LHX4: variants seen among roughly 807,000 people sequenced by gnomAD.
The protein encoded by LHX4 is LIM/homeobox protein Lhx4.
A neutral mutation model predicts 39.2 loss-of-function variants in LHX4; 16 were observed. The ratio of observed to expected loss-of-function variants is 0.41; its 90% CI spans 0.28 to 0.62. LHX4 has a LOEUF of 0.62. LHX4 is among the 20% of genes least tolerant of loss of function. LHX4 has a pLI of 0.33. For synonymous variants in LHX4, 206 were observed against 198.1 expected (o/e 1.04, Z -0.33); for missense variants, 439 against 511.9 (o/e 0.86, Z 1.37).
At chr1:180,271,587 G>T in intron 4 of LHX4, 53 bp downstream of exon 4, 6 of 1,604,204 alleles carry the variant, frequency 3.7e-6, no homozygotes, top group Non-Finnish European at 5.1e-6. Context: ...CGGGACAGGG[G>T]TGGAAGGTAT....
chr1:180,271,056 T>C (rs1010818624), intron 3 of LHX4: 15 of 405,528 alleles, frequency 3.7e-5, no homozygotes, highest in South Asian at 6.3e-5. Context: ...AGCAGAGTGT[T>C]TGTCATGACA....
intron 2 of LHX4, among the ~76,000 whole-genome samples, chr1:180,253,996 T>C (rs1178043243): frequency 6.6e-6 from 1 of 152,144 alleles, no homozygotes. Context: ...CAAACCATTA[T>C]GGAGTGAAAA....
intron 2 of LHX4, among the ~76,000 whole-genome samples, chr1:180,259,929 C>T (rs554451494): frequency 1.3e-5 from 2 of 151,206 alleles, no homozygotes; most frequent in African/African-American, 4.9e-5. Context: ...CTGGTAACAA[C>T]AAGGTCTGGG....
intron 2 of LHX4, among the ~76,000 whole-genome samples, chr1:180,251,980 A>G (rs1647646156): frequency 6.6e-6 from 1 of 152,196 alleles, no homozygotes; most frequent in African/African-American, 2.4e-5. Context: ...GTGGATTCAT[A>G]GCCCTCACCA....
At chr1:180,244,233 C>G (rs1443525492) in intron 1 of LHX4, among the ~76,000 whole-genome samples, 1 of 152,180 alleles carries the variant, frequency 6.6e-6, no homozygotes, top group Non-Finnish European at 1.5e-5. Context: ...TTAATCCCCC[C>G]GTCAACATCT....
chr1:180,273,941 C>CA (rs1293177674), intron 5 of LHX4: 3 of 556,914 alleles, frequency 5.4e-6, no homozygotes, highest in Admixed American at 6.1e-5. Flanking sequence ...GCTCACCAAA[C>CA]ATTTGTCCAT....
In LHX4 at chr1:180,230,903, C is replaced by T. The variant is rs559181026; in HGVS notation, c.76+298C>T. Among the ~76,000 whole-genome samples the T allele has an allele frequency of 3.3e-5, 5 of 152,290 alleles. No homozygotes were observed. Among genetic ancestry groups the T allele is most frequent in the Admixed American group, 2.6e-4 (4 of 15,302 alleles). On this transcript the variant is annotated intron_variant, in intron 1 of 5. Transcript: ENST00000263726. The surrounding 1 kb of genome is among the most constrained non-coding windows in gnomAD (Gnocchi z 5.8). ...TGGGGAGAGTGCTGTTTGGGGACAC[C>T]CAGGGGTACGAGCTGTAGGCCAGGC...
chr1:180,242,126 C>T (rs915117287), intron 1 of LHX4, among the ~76,000 whole-genome samples: 4 of 152,200 alleles, frequency 2.6e-5, no homozygotes, highest in African/African-American at 9.7e-5. Flanking sequence ...CCTACTCTCC[C>T]CACTGCTTCA....
chr1:180,239,400 T>G (rs1272759169), intron 1 of LHX4, among the ~76,000 whole-genome samples: 1 of 152,274 alleles, frequency 6.6e-6, no homozygotes, highest in Non-Finnish European at 1.5e-5. Flanking sequence ...ATTTGCATAC[T>G]ATTTCAGTTG....
chr1:180,238,160 T>A (rs1664368341), intron 1 of LHX4, among the ~76,000 whole-genome samples: 1 of 152,232 alleles, frequency 6.6e-6, no homozygotes, highest in Non-Finnish European at 1.5e-5. Flanking sequence ...AATGATAACA[T>A]CGAAATTATC....
At chr1:180,237,935 A>C (rs1664362187) in intron 1 of LHX4, among the ~76,000 whole-genome samples, 1 of 152,220 alleles carries the variant, frequency 6.6e-6, no homozygotes, top group Non-Finnish European at 1.5e-5. Flanking sequence ...GTGGAAATAG[A>C]CGTGTCTACA....
At chr1:180,255,343 C>T (rs1647806202) in intron 2 of LHX4, among the ~76,000 whole-genome samples, 1 of 152,238 alleles carries the variant, frequency 6.6e-6, no homozygotes, top group African/African-American at 2.4e-5. Context: ...CACATGCACA[C>T]ATGCACACAC....
At chr1:180,253,959 T>C (rs1361881685) in intron 2 of LHX4, among the ~76,000 whole-genome samples, 1 of 152,118 alleles carries the variant, frequency 6.6e-6, no homozygotes, top group Non-Finnish European at 1.5e-5. Context: ...AAACCTGCCA[T>C]GTGGATCTCT....
chr1:180,278,268 G>C lies in LHX4; in HGVS notation c.*3689G>C, dbSNP rs1297763772. On this transcript the variant is annotated 3_prime_UTR_variant, in exon 6 of 6. Transcript: ENST00000263726. ...GAAAAATTCAATTAAGCGGAAATGA[G>C]TTTTGTTTTATTGCCTGCTGCTGAA... 1.3e-5 allele frequency: 2 copies of C among 152,224 alleles called. No homozygotes were observed. The highest frequency in any genetic ancestry group is 4.8e-5 in the African/African-American group (2 of 41,462). 9.4% of individuals were successfully genotyped at this position (152,224 alleles called of 1,614,324 possible).
At position 180,234,221 on chromosome 1, in the gene LHX4, A is replaced by G. The variant is rs56910751; in HGVS notation, c.76+3616A>G. Reference sequence around the variant, plus strand: ...TATATATATATATATATATATATATAATAGATTGAGATTCTATCATATTCC... The same window carrying G: ...TATATATATATATATATATATATATGATAGATTGAGATTCTATCATATTCC... On this transcript the variant is annotated intron_variant, in intron 1 of 5. Coordinates refer to ENST00000263726, the MANE Select transcript of LHX4 (RefSeq NM_033343.4). The surrounding 1 kb of genome is among the most constrained non-coding windows in gnomAD (Gnocchi z 4.8). Among the ~76,000 whole-genome samples the G allele has an allele frequency of 2.3e-5, 2 of 86,874 alleles. No homozygotes were observed. The highest frequency in any genetic ancestry group is 1.2e-4 in the Admixed American group (1 of 8,694). The allele number at this position is 86,874 out of a possible 152,430, so 57.0% of individuals were successfully genotyped here.
At chr1:180,246,952 A>C (rs935128502) in intron 1 of LHX4, among the ~76,000 whole-genome samples, 4 of 152,196 alleles carry the variant, frequency 2.6e-5, no homozygotes, top group African/African-American at 9.7e-5. Flanking sequence ...GGTGTCTTTT[A>C]TAATAGGGGT....
intron 1 of LHX4, among the ~76,000 whole-genome samples, chr1:180,242,348 A>C (rs1664461314): frequency 1.3e-5 from 2 of 152,152 alleles, no homozygotes; most frequent in South Asian, 2.1e-4. Context: ...TGACTGGTAC[A>C]TGCATGTGCC....
At chr1:180,268,785 G>T (rs1045647837) in intron 3 of LHX4, among the ~76,000 whole-genome samples, 1 of 152,192 alleles carries the variant, frequency 6.6e-6, no homozygotes, top group Non-Finnish European at 1.5e-5. Context: ...CCCTGGCTGT[G>T]AGCAAGGCAG....
intron 2 of LHX4, among the ~76,000 whole-genome samples, chr1:180,263,325 C>T (rs1473385671): frequency 6.6e-6 from 1 of 152,206 alleles, no homozygotes; most frequent in East Asian, 1.9e-4. Context: ...TTGGCCTTCT[C>T]ACCTGTGACT....
Sources: allele counts gnomAD v4.1 joint callset (sites outside exome capture counted in the v4.1 genomes callset), GRCh38; gene constraint gnomAD v4.1.1; non-coding constraint Gnocchi (gnomAD v3.1); transcripts MANE v1.5; gene names NCBI Gene and HGNC (gene_info 2026-07-23, HGNC 2026-07-21).